TMPRSS15: variants seen among roughly 807,000 people sequenced by gnomAD.
TMPRSS15 encodes enteropeptidase.
In TMPRSS15, 128 loss-of-function variants were observed where a neutral mutation model predicts 125.3. The observed-to-expected ratio is 1.02, with a 90% CI of 0.89 to 1.18. TMPRSS15 has a LOEUF of 1.18. TMPRSS15 is among the 50% of genes most tolerant of loss of function. The probability of loss-of-function intolerance (pLI) is 0.00; values close to 1 mark genes in which losing one functional copy is unlikely to be tolerated. For synonymous variants in TMPRSS15, 446 were observed against 423.2 expected, an observed-to-expected ratio of 1.05 and a Z score of -0.66; for missense variants, 1,283 against 1,212.7, an observed-to-expected ratio of 1.06 and a Z score of -0.86.
At chr21:18,410,260 G>A (rs9984755) in intron 1 of TMPRSS15, among the ~76,000 whole-genome samples, 6 of 151,764 alleles carry the variant, frequency 4.0e-5, no homozygotes, top group Non-Finnish European at 5.9e-5. Flanking sequence ...CTGTACAAAG[G>A]TTCCTTTGTA....
At chr21:18,359,903 A>G (rs1354797256) in intron 7 of TMPRSS15, 40 bp from the exon 8 acceptor site, 1 of 967,618 alleles carries the variant, frequency 1.0e-6, no homozygotes, top group South Asian at 1.3e-5. Context: ...AATTTTTAAC[A>G]GTTGTCATAT....
intron 1 of TMPRSS15, among the ~76,000 whole-genome samples, chr21:18,431,628 G>A (rs969320017): frequency 6.6e-6 from 1 of 151,894 alleles, no homozygotes; most frequent in Non-Finnish European, 1.5e-5. Flanking sequence ...AAGCATAGTT[G>A]TGTTCAAACT....
Position 18,447,900 on chromosome 21 carries a change from A to C in TMPRSS15, c.10+37899T>G, listed in dbSNP as rs1490999499. 3.9e-5 allele frequency among the ~76,000 whole-genome samples: 6 copies of C among 152,294 alleles called. No individual in the cohort carries two copies. The East Asian group carries it at 1.2e-3, about 29-fold the overall frequency. ...TACACTAATCATCAGAGATATGTAAATCAAAACCACAATGAGATATCACTT... is the reference window on the plus strand; with the variant it reads ...TACACTAATCATCAGAGATATGTAACTCAAAACCACAATGAGATATCACTT... On this transcript the variant is annotated intron_variant, in intron 1 of 7. Transcript: ENST00000422787.
chr21:18,426,125 C>T (rs538811229), intron 1 of TMPRSS15, among the ~76,000 whole-genome samples: 21 of 152,162 alleles, frequency 1.4e-4, no homozygotes, highest in African/African-American at 3.4e-4. Flanking sequence ...CTTTATTTTA[C>T]GAACCCTTAT....
intron 10 of TMPRSS15, among the ~76,000 whole-genome samples, chr21:18,345,192 AC>A (rs1409257960): frequency 6.6e-6 from 1 of 152,232 alleles, no homozygotes; most frequent in Non-Finnish European, 1.5e-5. Context: ...GCTTTGTATG[AC>A]AAACTGTTAA....
chr21:18,330,192 C>T (rs2075331025), intron 14 of TMPRSS15, among the ~76,000 whole-genome samples: 1 of 152,164 alleles, frequency 6.6e-6, no homozygotes, highest in Non-Finnish European at 1.5e-5. Context: ...CCTGTTATTA[C>T]TACCTCCAAC....
chr21:18,345,147 G>A (rs1245008579), intron 10 of TMPRSS15, among the ~76,000 whole-genome samples: 1 of 152,204 alleles, frequency 6.6e-6, no homozygotes, highest in Non-Finnish European at 1.5e-5. Flanking sequence ...TTATGGTCAA[G>A]TGGCTTAATA....
rs2074923085 is a variant in TMPRSS15 at position 18,297,755 on chromosome 21, C to T, written c.2240G>A (p.Gly747Asp). The change falls in exon 19 of 25, where the codon GGC becomes GAC. Residue 747 changes from glycine to aspartate, a missense_variant. Transcript: ENST00000284885. ...PFVKLNTAPD[G>D]HLILTPSQQC... ...CCACCTGGGTGTTAGTATTAAGTGGCCATCAGGTGCTGTGTTTAATTTGAC... is the reference window on the plus strand; with the variant it reads ...CCACCTGGGTGTTAGTATTAAGTGGTCATCAGGTGCTGTGTTTAATTTGAC... The T allele has an allele frequency of 2.5e-6, 4 of 1,613,596 alleles. No homozygotes were observed. The highest frequency in any genetic ancestry group is 2.2e-5 in the East Asian group (1 of 44,830).
intron 1 of TMPRSS15, among the ~76,000 whole-genome samples, chr21:18,446,434 A>G (rs6517814): frequency 6.6e-6 from 1 of 151,950 alleles, no homozygotes; most frequent in Admixed American, 6.6e-5. Flanking sequence ...AAGTTCTTCA[A>G]AGAAATAGAA....
At chr21:18,283,665 T>C (rs2074729068) in intron 21 of TMPRSS15, among the ~76,000 whole-genome samples, 1 of 152,106 alleles carries the variant, frequency 6.6e-6, no homozygotes, top group South Asian at 2.1e-4. Flanking sequence ...TTAAAAATTA[T>C]AGGATTGTCT....
chr21:18,332,848 GTCCA>G (rs1165104595), intron 13 of TMPRSS15, among the ~76,000 whole-genome samples: 1 of 152,108 alleles, frequency 6.6e-6, no homozygotes, highest in East Asian at 1.9e-4. Context: ...CAACCTAAAT[GTCCA>G]TCAATGATAG....
rs1016603973 is a variant in TMPRSS15 at position 18,276,927 on chromosome 21, A to AT, written c.2765-1592dup. Among the ~76,000 whole-genome samples, 136 of 147,446 alleles carry AT rather than the reference A, an allele frequency of 9.2e-4. 1 individual carries two copies. The highest frequency in any genetic ancestry group is 2.2e-3 in the African/African-American group (89 of 40,354). On this transcript the variant is annotated intron_variant, in intron 23 of 24. Coordinates refer to ENST00000284885, the MANE Select transcript of TMPRSS15 (RefSeq NM_002772.3). The stretch of plus-strand genomic sequence containing the variant: ...AGGTGTGTACCACCACGCCTGGCTA[A>AT]TTTTTTTTTTGTATTTTAAGTAGAG...
At chr21:18,322,956 T>C (rs528325896) in intron 16 of TMPRSS15, among the ~76,000 whole-genome samples, 164 of 152,210 alleles carry the variant, frequency 1.1e-3, no homozygotes, top group Non-Finnish European at 1.8e-3. Flanking sequence ...TGATTATAAA[T>C]TGTATGCTTG....
chr21:18,365,079 G>T (rs1459610929), intron 7 of TMPRSS15, 61 bp downstream of exon 7: 3 of 1,332,244 alleles, frequency 2.3e-6, no homozygotes, highest in Non-Finnish European at 3.2e-6. Context: ...AAAGCAATAA[G>T]ACGTTGCATC....
chr21:18,438,836 A>G (rs999790189), intron 1 of TMPRSS15, among the ~76,000 whole-genome samples: 1 of 152,226 alleles, frequency 6.6e-6, no homozygotes, highest in Non-Finnish European at 1.5e-5. Flanking sequence ...ACATGACTGT[A>G]TATCAATTTA....
chr21:18,440,328 G>A (rs1354672751), intron 1 of TMPRSS15, among the ~76,000 whole-genome samples: 1 of 122,810 alleles, frequency 8.1e-6, no homozygotes, highest in Admixed American at 1.0e-4. Flanking sequence ...AGTCGAGATC[G>A]CGCCACTGCA....
At chr21:18,470,023 T>A (rs1978744548) in intron 1 of TMPRSS15, among the ~76,000 whole-genome samples, 1 of 152,072 alleles carries the variant, frequency 6.6e-6, no homozygotes, top group Non-Finnish European at 1.5e-5. Flanking sequence ...GTTATTTACT[T>A]GGGTCTAAAA....
At chr21:18,398,354 C>G (rs2076060893) in intron 1 of TMPRSS15, 25 bp from the exon 2 acceptor site, 9 of 1,612,150 alleles carry the variant, frequency 5.6e-6, no homozygotes, top group Middle Eastern at 1.7e-4. Flanking sequence ...AAGGAAAAAA[C>G]ACTAAGATTT....
intron 18 of TMPRSS15, among the ~76,000 whole-genome samples, chr21:18,306,829 T>C (rs368643181): frequency 6.6e-6 from 1 of 152,170 alleles, no homozygotes; most frequent in Non-Finnish European, 1.5e-5. Context: ...AATGTTTTCT[T>C]TCATACTTTG....
Sources: allele counts gnomAD v4.1 joint callset (sites outside exome capture counted in the v4.1 genomes callset), GRCh38; gene constraint gnomAD v4.1.1; transcripts MANE v1.5; gene names NCBI Gene and HGNC (gene_info 2026-07-23, HGNC 2026-07-21).